The following NDRG2 variants were observed in gnomAD, a reference collection of about 807,000 sequenced individuals.
NDRG2 encodes the protein NDRG family member 2.
Under a neutral mutation model 58.2 loss-of-function variants are expected in NDRG2, and 34 were observed. The ratio of observed to expected loss-of-function variants is 0.58; its 90% confidence interval spans 0.44 to 0.78. The LOEUF (loss-of-function observed/expected upper bound fraction) is 0.78. Ranked by LOEUF, NDRG2 falls within the 30% of genes least tolerant of loss-of-function variation. The pLI is 0.00. For synonymous variants in NDRG2, 187 were observed against 175.9 expected (o/e 1.06, Z -0.50); for missense variants, 434 against 471.2 (o/e 0.92, Z 0.73).
intron 1 of NDRG2, among the ~76,000 whole-genome samples, chr14:21,059,487 T>G (rs1204695820): frequency 1.6e-4 from 5 of 31,476 alleles, no homozygotes; most frequent in South Asian, 3.7e-3. Flanking sequence ...TTTTTTGGGT[T>G]TTTTTTTTCT....
chr14:21,022,829 C>T (rs1205241639), intron 3 of NDRG2, 35 bp downstream of exon 3: 1 of 1,609,318 alleles, frequency 6.2e-7, no homozygotes, highest in Admixed American at 1.7e-5. Context: ...AGGACAGCCC[C>T]TCCTCCCACC....
chr14:21,045,600 T>C (rs1452250501), intron 1 of NDRG2, among the ~76,000 whole-genome samples: 1 of 152,220 alleles, frequency 6.6e-6, no homozygotes, highest in Non-Finnish European at 1.5e-5. Context: ...AACTCTATCT[T>C]CTTTATTGAT....
At chr14:21,017,891 C>T (rs1388113911) in intron 15 of NDRG2, 96 bp downstream of exon 15, 8 of 1,604,868 alleles carry the variant, frequency 5.0e-6, no homozygotes, top group Non-Finnish European at 6.8e-6. Context: ...CTCGATTGGG[C>T]AGATAGCGGT....
chr14:21,053,099 T>C (rs1488690881), intron 1 of NDRG2, among the ~76,000 whole-genome samples: 1 of 152,144 alleles, frequency 6.6e-6, no homozygotes. Context: ...AAAAGTTGAA[T>C]TCTCAGACAA....
intron 1 of NDRG2, among the ~76,000 whole-genome samples, chr14:21,049,921 T>C (rs1022902858): frequency 6.6e-6 from 1 of 152,068 alleles, no homozygotes; most frequent in Non-Finnish European, 1.5e-5. Context: ...AGATTACAGG[T>C]ATGCACCACC....
At chr14:21,023,119 A>C in intron 2 of NDRG2, 122 bp downstream of exon 2, 1 of 930,226 alleles carries the variant, frequency 1.1e-6, no homozygotes, top group South Asian at 1.5e-5. Context: ...GAGAGAGACT[A>C]GGGTAGTGGT....
At position 21,070,803 on chromosome 14, in the gene NDRG2, G is replaced by C; in HGVS notation, c.24+25C>G. On this transcript the variant is annotated intron_variant, in intron 1 of 14. Coordinates refer to the NDRG2 transcript ENST00000403829. The surrounding 1 kb of genome is among the most constrained non-coding windows in gnomAD (Gnocchi z 4.7). ...CCTGCAGCGACCCTGGAAGAGGCCCGGCCCCTCGGGTCATGAGAACTGACC... is the reference window on the plus strand; with the variant it reads ...CCTGCAGCGACCCTGGAAGAGGCCCCGCCCCTCGGGTCATGAGAACTGACC... 1.3e-6 allele frequency: 2 copies of C among 1,535,490 alleles called. No individual in the cohort carries two copies. Among genetic ancestry groups the C allele is most frequent in the Non-Finnish European group, 1.7e-6 (2 of 1,146,764 alleles).
chr14:21,035,266 A>T (rs573552664), intron 1 of NDRG2, among the ~76,000 whole-genome samples: 6 of 152,384 alleles, frequency 3.9e-5, no homozygotes, highest in Admixed American at 3.9e-4. Context: ...AAATCTCTGC[A>T]TGCTGACTCT....
At chr14:21,045,251 A>C (rs4981353) in intron 1 of NDRG2, among the ~76,000 whole-genome samples, 1 of 151,996 alleles carries the variant, frequency 6.6e-6, no homozygotes, top group Non-Finnish European at 1.5e-5. Flanking sequence ...TGAGATGATG[A>C]GGAGAGAAAG....
At chr14:21,060,569 C>T (rs1885905381) in intron 1 of NDRG2, among the ~76,000 whole-genome samples, 1 of 152,174 alleles carries the variant, frequency 6.6e-6, no homozygotes, top group Non-Finnish European at 1.5e-5. Flanking sequence ...ATGGCTCCAA[C>T]CACCATTAAC....
upstream of NDRG2, chr14:21,025,716 C>T (rs930874586): frequency 8.2e-5 from 80 of 981,566 alleles, no homozygotes; most frequent in Non-Finnish European, 9.2e-5. This position sits in a 1 kb window ranked among gnomAD's most constrained non-coding sequence, Gnocchi z 5.1. Flanking sequence ...TGCTCTCCGG[C>T]TGCTCCGGGA....
chr14:21,034,405 C>G (rs748602073), intron 1 of NDRG2: 454 of 748,088 alleles, frequency 6.1e-4, no homozygotes, highest in Middle Eastern at 2.0e-3. Flanking sequence ...GATCATCTCA[C>G]CCATAACCAA....
chr14:21,036,999 T>C (rs1271651775), intron 1 of NDRG2, among the ~76,000 whole-genome samples: 3 of 152,216 alleles, frequency 2.0e-5, no homozygotes, highest in Non-Finnish European at 2.9e-5. Context: ...CTGCCTTGAA[T>C]CATGCCACCT....
At chr14:21,030,317 G>A (rs747858464), upstream of NDRG2, 1 of 454,460 alleles carries the variant, frequency 2.2e-6, no homozygotes, top group Non-Finnish European at 4.0e-6. Context: ...ACATAAAAGA[G>A]GTAGGGGAAA....
In NDRG2 at chr14:21,024,516, G is replaced by C. The variant is rs551435713; in HGVS notation, c.-493C>G. The C allele has an allele frequency of 1.2e-5, 12 of 985,200 alleles. No homozygotes were observed. The highest frequency in any genetic ancestry group is 1.3e-5 in the Non-Finnish European group (11 of 829,834). The allele number at this position is 985,200 out of a possible 1,614,324, so 61.0% of individuals were successfully genotyped here. ...ATTTTTGACAGCTCTCCAGTAAGAG[G>C]AGGGTAGCAGAGCATGGCTGTTTCC... On this transcript the variant is annotated 5_prime_UTR_variant, in exon 1 of 16. Coordinates refer to ENST00000556147, the MANE Select transcript of NDRG2 (RefSeq NM_001320329.2).
At chr14:21,064,444 G>C (rs1886143931) in intron 1 of NDRG2, among the ~76,000 whole-genome samples, 1 of 151,984 alleles carries the variant, frequency 6.6e-6, no homozygotes, top group Admixed American at 6.5e-5. Context: ...TGGGATTACA[G>C]GTGCACACTG....
chr14:21,048,724 T>C (rs1283087084), intron 1 of NDRG2, among the ~76,000 whole-genome samples: 1 of 151,946 alleles, frequency 6.6e-6, no homozygotes. Flanking sequence ...GCATTTCTAT[T>C]TATCATTGTG....
chr14:21,046,876 G>C (rs1468191220), intron 1 of NDRG2: 1 of 152,184 alleles, frequency 6.6e-6, no homozygotes, highest in East Asian at 1.9e-4. Context: ...TATTCGTTTA[G>C]TGGAAGTGGC....
intron 1 of NDRG2, among the ~76,000 whole-genome samples, chr14:21,061,662 G>C (rs892588292): frequency 6.6e-6 from 1 of 152,182 alleles, no homozygotes; most frequent in African/African-American, 2.4e-5. Flanking sequence ...ATTTTCCAGT[G>C]GGTAAGTATG....
Sources: gnomAD v4.1 joint callset for allele counts (sites outside exome capture counted in the v4.1 genomes callset) on GRCh38, gnomAD v4.1.1 for gene constraint, Gnocchi (gnomAD v3.1) non-coding constraint, MANE v1.5 for transcripts, NCBI Gene and HGNC (gene_info 2026-07-23, HGNC 2026-07-21) for gene names.